The following DCAF12 variants were observed in gnomAD, a reference collection of about 807,000 sequenced individuals.
DCAF12 encodes DDB1 and CUL4 associated factor 12.
A neutral mutation model predicts 52.8 loss-of-function variants in DCAF12; 28 were observed. The ratio of observed to expected loss-of-function variants is 0.53; its 90% CI spans 0.39 to 0.73. DCAF12 has a LOEUF of 0.73. Ranked by LOEUF, DCAF12 falls within the 30% of genes least tolerant of loss-of-function variation. The pLI is 0.00. For synonymous variants in DCAF12, 196 were observed against 215.5 expected, an observed-to-expected ratio of 0.91 and a Z score of 0.79; for missense variants, 425 against 552.2, an observed-to-expected ratio of 0.77 and a Z score of 2.31.
At chr9:34,098,737 T>C (rs1828779456) in intron 4 of DCAF12, among the ~76,000 whole-genome samples, 1 of 152,232 alleles carries the variant, frequency 6.6e-6, no homozygotes, top group Non-Finnish European at 1.5e-5. Flanking sequence ...AATATAACTT[T>C]TAAGTTTGAC....
chr9:34,093,965 G>A (rs1828693080), intron 6 of DCAF12, among the ~76,000 whole-genome samples: 1 of 152,166 alleles, frequency 6.6e-6, no homozygotes, highest in Non-Finnish European at 1.5e-5. Context: ...TTAACCCTGG[G>A]TCTTCGTCAG....
intron 7 of DCAF12, among the ~76,000 whole-genome samples, chr9:34,091,763 G>A (rs1266850237): frequency 1.3e-5 from 2 of 151,958 alleles, no homozygotes; most frequent in Non-Finnish European, 2.9e-5. Flanking sequence ...GTGCCTTTTA[G>A]GACTCTCAGG....
chr9:34,105,691 A>T (rs564957231), intron 4 of DCAF12, among the ~76,000 whole-genome samples: 1 of 152,136 alleles, frequency 6.6e-6, no homozygotes, highest in African/African-American at 2.4e-5. Flanking sequence ...TTATCTCTGG[A>T]TAGAGATCTT....
rs1331936659 is a variant in DCAF12, at chr9:34,125,628, AG to A, written c.79-352del. On this transcript the variant is annotated intron_variant, in intron 1 of 8. Coordinates refer to ENST00000361264, the MANE Select transcript of DCAF12 (RefSeq NM_015397.4). ...ACCGACATGGGCTGCATCTCTACCC[AG>A]CCCCCTTCTCCCTCTCAGTCTGTAC... The A allele has an allele frequency of 6.3e-6, 3 of 475,976 alleles. No individual in the cohort carries two copies. In the East Asian group the frequency reaches 2.0e-4, roughly 32 times the overall value. The allele number at this position is 475,976 out of a possible 1,614,324, so 29.5% of individuals were successfully genotyped here. A position where few individuals can be genotyped will look rare whatever the true frequency, so the allele number is the denominator to read the frequency against.
chr9:34,119,678 C>A (rs72731218), intron 2 of DCAF12, among the ~76,000 whole-genome samples: 13,689 of 149,146 alleles, frequency 0.092, 898 homozygotes, highest in Non-Finnish European at 0.13. Context: ...GCTCTTCTTT[C>A]AACAAATACT....
Position 34,107,369 on chromosome 9 carries a change from C to G in DCAF12, c.530G>C (p.Cys177Ser), listed in dbSNP as rs1194139089. ...IYRLPTLDPV[C>S]VGDDGHKDWI... ...ACTGGGAAAACTTACATCTCCTACA[C>G]ACACAGGATCCAGCGTAGGTAGTCG... is the stretch of plus-strand genomic sequence containing the variant. The change falls in exon 3 of 9, where the codon TGT becomes TCT. Residue 177 changes from cysteine to serine, a missense_variant. Cys to Ser is a moderately radical substitution (Grantham distance 112). Around this residue, in one of 3 missense-constraint regions of DCAF12, gnomAD observed 328 missense variants for 444.4 expected, o/e 0.74. Coordinates refer to ENST00000361264, the MANE Select transcript of DCAF12 (RefSeq NM_015397.4). The G allele has an allele frequency of 6.2e-7, 1 of 1,614,086 alleles. No individual in the cohort carries two copies. Among genetic ancestry groups the G allele is most frequent in the Admixed American group, 1.7e-5 (1 of 59,994 alleles).
intron 5 of DCAF12, among the ~76,000 whole-genome samples, 189 bp downstream of exon 5, chr9:34,098,135 C>T (rs746927847): frequency 3.9e-5 from 6 of 152,070 alleles, no homozygotes; most frequent in Non-Finnish European, 8.8e-5. Flanking sequence ...ACTGCAGACA[C>T]CAATTGAAGG....
intron 2 of DCAF12, among the ~76,000 whole-genome samples, chr9:34,124,092 T>C (rs1829212494): frequency 6.6e-6 from 1 of 152,228 alleles, no homozygotes. Flanking sequence ...CCTATGTCCT[T>C]TATAAACAGA....
intron 2 of DCAF12, among the ~76,000 whole-genome samples, chr9:34,111,090 A>C (rs137881768): frequency 6.6e-6 from 1 of 151,240 alleles, no homozygotes; most frequent in South Asian, 2.1e-4. Flanking sequence ...GGTTCAAGCA[A>C]TTCTCCTGCT....
At position 34,088,176 on chromosome 9, in the gene DCAF12, A is replaced by AACT; in HGVS notation, c.*171_*173dup. 3.6e-6 allele frequency: 2 copies of AACT among 556,932 alleles called. No individual in the cohort carries two copies. The highest frequency in any genetic ancestry group is 5.7e-6 in the Non-Finnish European group (2 of 352,690). 34.5% of individuals were successfully genotyped at this position (556,932 alleles called of 1,614,324 possible). A position where few individuals can be genotyped will look rare whatever the true frequency, so the allele number is the denominator to read the frequency against. On this transcript the variant is annotated 3_prime_UTR_variant, in exon 9 of 9. Transcript: ENST00000361264. ...CAAAGGGGAAAACAAAAAGCAAAAC[A>AACT]ACTTTCAGATTTCTGTACAGAGCTT... is the stretch of plus-strand genomic sequence containing the variant.
chr9:34,101,446 G>T (rs887720297), intron 4 of DCAF12, among the ~76,000 whole-genome samples: 12 of 151,262 alleles, frequency 7.9e-5, no homozygotes, highest in Non-Finnish European at 1.8e-4. Flanking sequence ...AGGCTAGAAT[G>T]CAATGGCACG....
At chr9:34,088,630 A>C in intron 8 of DCAF12, 122 bp from the exon 9 acceptor site, 120 of 1,054,612 alleles carry the variant, frequency 1.1e-4, no homozygotes, top group Non-Finnish European at 1.5e-4. Context: ...GTACAACCTC[A>C]TGTCAGGAGA....
At chr9:34,120,874 C>G (rs1013834821) in intron 2 of DCAF12, among the ~76,000 whole-genome samples, 1 of 152,014 alleles carries the variant, frequency 6.6e-6, no homozygotes, top group Admixed American at 6.6e-5. Context: ...GGAACACTGG[C>G]CAGGCAAGGT....
intron 2 of DCAF12, among the ~76,000 whole-genome samples, chr9:34,119,909 C>T (rs892210828): frequency 2.6e-5 from 4 of 151,766 alleles, no homozygotes; most frequent in African/African-American, 9.7e-5. Flanking sequence ...ACTACATTGC[C>T]CAGGCTGGTC....
chr9:34,097,603 G>T (rs1828755458), intron 5 of DCAF12, among the ~76,000 whole-genome samples: 1 of 151,886 alleles, frequency 6.6e-6, no homozygotes, highest in African/African-American at 2.4e-5. Flanking sequence ...ACTCAATAAG[G>T]TAAGACTTAG....
intron 4 of DCAF12, among the ~76,000 whole-genome samples, chr9:34,102,091 G>A (rs1011360333): frequency 2.3e-4 from 34 of 150,820 alleles, no homozygotes; most frequent in African/African-American, 7.5e-4. Context: ...CCAGCACTCT[G>A]GGAGACCGGG....
rs140076757 is a variant in DCAF12 at position 34,098,454 on chromosome 9, G to A, written c.665C>T (p.Ala222Val). The part of the protein sequence containing the change: ...VTDDVLTKSD[A>V]RHNVSRVPVY... ...AGGGACCCGTGACACATTGTGTCTC[G>A]CATCACTTTTGGTCAAAACATCATC... Residue 222 changes from alanine to valine, a missense_variant, in exon 5 of 9, where the codon GCG becomes GTG. By Grantham distance (64) the Ala-to-Val change is moderately conservative. This residue lies in a region of DCAF12 where 328 missense variants were observed against 444.4 expected (regional missense o/e 0.74). Transcript: ENST00000361264. 1.2e-4 allele frequency: 186 copies of A among 1,614,112 alleles called. No individual in the cohort carries two copies. The East Asian group carries it at 1.7e-3, about 15-fold the overall frequency.
Position 34,119,194 on chromosome 9 carries a change from G to A in DCAF12, c.333+5829C>T, listed in dbSNP as rs763504277. Reference sequence around the variant, plus strand: ...TACTGTATTTTTGAGCCCCTACTTCGGTCCTTCTCACCGTCATTTTAGGAT... The same window carrying A: ...TACTGTATTTTTGAGCCCCTACTTCAGTCCTTCTCACCGTCATTTTAGGAT... On this transcript the variant is annotated intron_variant, in intron 2 of 8. Coordinates refer to ENST00000361264, the MANE Select transcript of DCAF12 (RefSeq NM_015397.4). 5.3e-5 allele frequency among the ~76,000 whole-genome samples: 8 copies of A among 151,966 alleles called. No homozygotes were observed. The South Asian group carries it at 8.3e-4, about 16-fold the overall frequency.
intron 4 of DCAF12, among the ~76,000 whole-genome samples, chr9:34,101,021 A>G (rs1299045491): frequency 6.7e-6 from 1 of 148,228 alleles, no homozygotes; most frequent in South Asian, 2.1e-4. Context: ...CCTGAAATCC[A>G]TGGGCTTTCC....
Sources: allele counts gnomAD v4.1 joint callset (sites outside exome capture counted in the v4.1 genomes callset), GRCh38; gene constraint gnomAD v4.1.1; regional missense constraint gnomAD v4.1.1; transcripts MANE v1.5; gene names NCBI Gene and HGNC (gene_info 2026-07-23, HGNC 2026-07-21).